The following PLLP variants were observed in gnomAD, a reference collection of about 807,000 sequenced individuals.
The protein encoded by PLLP is plasma membrane proteolipid (plasmolipin).
PLLP carries 15 observed loss-of-function variants against 19.7 expected under a neutral mutation model. The ratio of observed to expected loss-of-function variants is 0.76; its 90% CI spans 0.51 to 1.17. PLLP has a LOEUF of 1.17. Ranked by LOEUF, PLLP falls within the 50% of genes most tolerant of loss-of-function variation. PLLP has a pLI of 0.00. For missense variants in PLLP, 255 were observed against 258.3 expected (o/e 0.99, Z 0.09); for synonymous variants, 111 against 116.3 (o/e 0.95, Z 0.29).
intron 1 of PLLP, among the ~76,000 whole-genome samples, chr16:57,276,551 C>T (rs1362407420): frequency 7.0e-6 from 1 of 143,470 alleles, no homozygotes; most frequent in East Asian, 2.0e-4. Flanking sequence ...AAGATCATGC[C>T]ACTACACTCC....
chr16:57,275,544 G>A (rs1340394352), intron 1 of PLLP, among the ~76,000 whole-genome samples: 1 of 139,210 alleles, frequency 7.2e-6, no homozygotes, highest in Non-Finnish European at 1.5e-5. Context: ...ACTGAACTAT[G>A]ATTCAATTTC....
At chr16:57,259,805 C>T (rs1469364008) in intron 2 of PLLP, among the ~76,000 whole-genome samples, 1 of 151,846 alleles carries the variant, frequency 6.6e-6, no homozygotes, top group East Asian at 1.9e-4. Context: ...GGTGAAACCT[C>T]GTCTCCAATA....
At chr16:57,263,619 G>A (rs900108839) in intron 1 of PLLP, among the ~76,000 whole-genome samples, 28 of 152,284 alleles carry the variant, frequency 1.8e-4, no homozygotes, top group African/African-American at 6.5e-4. Flanking sequence ...ACTGTCTCAG[G>A]GTGCAGGCCA....
At chr16:57,269,440 C>T (rs1246903984) in intron 1 of PLLP, among the ~76,000 whole-genome samples, 4 of 152,174 alleles carry the variant, frequency 2.6e-5, no homozygotes, top group African/African-American at 9.6e-5. Flanking sequence ...GGGACACCTG[C>T]TCACCTCACA....
intron 1 of PLLP, among the ~76,000 whole-genome samples, chr16:57,262,508 C>T (rs995451659): frequency 2.6e-5 from 4 of 151,814 alleles, no homozygotes; most frequent in East Asian, 3.9e-4. Flanking sequence ...GCTGAGATCA[C>T]GCCACTGCAC....
At chr16:57,267,769 C>A (rs2146443239) in intron 1 of PLLP, among the ~76,000 whole-genome samples, 1 of 149,444 alleles carries the variant, frequency 6.7e-6, no homozygotes, top group Non-Finnish European at 1.5e-5. Context: ...ATCCCAGCTA[C>A]TTGGGAGAGG....
intron 2 of PLLP, among the ~76,000 whole-genome samples, chr16:57,259,603 A>G (rs1373205091): frequency 6.6e-6 from 1 of 152,232 alleles, no homozygotes; most frequent in Non-Finnish European, 1.5e-5. Flanking sequence ...AGTTCGTCCA[A>G]TATACTTTTA....
chr16:57,265,430 CCT>C (rs2075454139), intron 1 of PLLP, among the ~76,000 whole-genome samples: 2 of 152,274 alleles, frequency 1.3e-5, no homozygotes, highest in Non-Finnish European at 2.9e-5. Flanking sequence ...AAAGCCAATT[CCT>C]CATGGGCCTC....
chr16:57,266,812 G>A (rs2075458674), intron 1 of PLLP, among the ~76,000 whole-genome samples: 1 of 150,054 alleles, frequency 6.7e-6, no homozygotes, highest in South Asian at 2.1e-4. Context: ...CCCCAGACAG[G>A]TCCTGCAGAT....
chr16:57,265,548 T>A (rs551254533), intron 1 of PLLP, among the ~76,000 whole-genome samples: 8 of 152,338 alleles, frequency 5.3e-5, no homozygotes, highest in African/African-American at 1.9e-4. Flanking sequence ...ATCATATGCC[T>A]ATCAATCACC....
chr16:57,284,588 C>CGGTGGGTGCCG lies in PLLP; in HGVS notation c.-49_-48insCGGCACCCACC, dbSNP rs1901262820. 2 of 1,310,830 alleles carry CGGTGGGTGCCG rather than the reference C, an allele frequency of 1.5e-6. No homozygotes were observed. The highest frequency in any genetic ancestry group is 3.0e-5 in the African/African-American group (2 of 66,130). 81.2% of individuals were successfully genotyped at this position (1,310,830 alleles called of 1,614,324 possible). On this transcript the variant is annotated 5_prime_UTR_variant, in exon 1 of 4. Coordinates refer to ENST00000219207, the MANE Select transcript of PLLP (RefSeq NM_015993.3). Reference sequence around the variant, plus strand: ...GGTCGCTACGGCCGCCGTCGCCGCCCCTCCAGCGGTGGGTGCCGGCTCCCG... The same window carrying CGGTGGGTGCCG: ...GGTCGCTACGGCCGCCGTCGCCGCCCGGTGGGTGCCGCTCCAGCGGTGGGTGCCGGCTCCCG...
chr16:57,272,282 C>G (rs1394913843), intron 1 of PLLP, among the ~76,000 whole-genome samples: 2 of 152,200 alleles, frequency 1.3e-5, no homozygotes. Flanking sequence ...CCCCTGTCAC[C>G]CAGGATGTGG....
chr16:57,262,875 G>T (rs2075446233), intron 1 of PLLP, among the ~76,000 whole-genome samples: 2 of 152,188 alleles, frequency 1.3e-5, no homozygotes, highest in South Asian at 4.1e-4. Flanking sequence ...CACGCCTCCA[G>T]CCGGCATCCC....
intron 1 of PLLP, among the ~76,000 whole-genome samples, chr16:57,270,430 C>A (rs2075471145): frequency 6.6e-6 from 1 of 151,500 alleles, no homozygotes; most frequent in Admixed American, 6.6e-5. Context: ...GCTCCGGCCT[C>A]TCTATTCCCA....
chr16:57,272,396 T>C (rs1196315179), intron 1 of PLLP, among the ~76,000 whole-genome samples: 3 of 152,128 alleles, frequency 2.0e-5, no homozygotes, highest in Admixed American at 2.0e-4. Flanking sequence ...GCAGCTGGGA[T>C]AACAAGAAGC....
intron 1 of PLLP, among the ~76,000 whole-genome samples, chr16:57,278,572 A>G (rs1356050961): frequency 1.3e-5 from 2 of 152,160 alleles, no homozygotes; most frequent in Non-Finnish European, 2.9e-5. Context: ...ATTAATTCCC[A>G]AACACTCAAT....
At chr16:57,260,782 G>A (rs1157493634) in intron 2 of PLLP, among the ~76,000 whole-genome samples, 1 of 152,172 alleles carries the variant, frequency 6.6e-6, no homozygotes, top group Admixed American at 6.5e-5. Flanking sequence ...CTGTCCTGGG[G>A]CAAACCTGGG....
At chr16:57,283,272 C>G (rs11861890) in intron 1 of PLLP, among the ~76,000 whole-genome samples, 5,515 of 152,084 alleles carry the variant, frequency 0.036, 324 homozygotes, top group African/African-American at 0.12. Flanking sequence ...GGGGAGGGGG[C>G]CCACAGAGAT....
chr16:57,257,698 T>C (rs1567528345), intron 3 of PLLP, among the ~76,000 whole-genome samples: 1 of 152,202 alleles, frequency 6.6e-6, no homozygotes, highest in Non-Finnish European at 1.5e-5. Context: ...CTACTGCCAC[T>C]TCACTGGCCA....
Sources: gnomAD v4.1 joint callset for allele counts (sites outside exome capture counted in the v4.1 genomes callset) on GRCh38, gnomAD v4.1.1 for gene constraint, MANE v1.5 for transcripts, NCBI Gene and HGNC (gene_info 2026-07-23, HGNC 2026-07-21) for gene names.